The following TRPM3 variants were observed in gnomAD, a reference collection of about 807,000 sequenced individuals.
The protein encoded by TRPM3 is long transient receptor potential channel 3.
Under a neutral mutation model 181.2 loss-of-function variants are expected in TRPM3, and 77 were observed. The ratio of observed to expected loss-of-function variants is 0.42; its 90% CI spans 0.35 to 0.51. The LOEUF is 0.51. Among genes scored for constraint, TRPM3 ranks in the 20% least tolerant of loss-of-function variants. TRPM3 has a pLI of 0.01. For missense variants in TRPM3, 1,759 were observed against 2,196.7 expected, an observed-to-expected ratio of 0.80 and a Z score of 3.98; for synonymous variants, 745 against 796.4, an observed-to-expected ratio of 0.94 and a Z score of 1.09.
intron 1 of TRPM3, among the ~76,000 whole-genome samples, chr9:70,963,829 T>G (rs1294928521): frequency 6.6e-6 from 1 of 152,130 alleles, no homozygotes; most frequent in Admixed American, 6.6e-5. Context: ...GCCTAAGCTT[T>G]GGTCTAGAAA....
chr9:71,117,724 A>G (rs1406781903), intron 1 of TRPM3, among the ~76,000 whole-genome samples: 5 of 152,154 alleles, frequency 3.3e-5, no homozygotes. Context: ...AAGTGAGCAA[A>G]CTCATATGAT....
chr9:70,938,570 C>G (rs921937682), intron 1 of TRPM3, among the ~76,000 whole-genome samples: 1 of 152,098 alleles, frequency 6.6e-6, no homozygotes, highest in African/African-American at 2.4e-5. Context: ...TTGTCAGCCC[C>G]CTTCTCGGCG....
intron 1 of TRPM3, among the ~76,000 whole-genome samples, chr9:70,915,505 C>A (rs1004466126): frequency 6.6e-6 from 1 of 150,976 alleles, no homozygotes; most frequent in African/African-American, 2.4e-5. Flanking sequence ...CGGGGTTTCA[C>A]CGTGTTAGCC....
At chr9:70,644,668 C>G (rs1268467257) in intron 9 of TRPM3, among the ~76,000 whole-genome samples, 1 of 152,162 alleles carries the variant, frequency 6.6e-6, no homozygotes, top group African/African-American at 2.4e-5. Flanking sequence ...TGCCCTCTCT[C>G]ACCACTCCTA....
intron 19 of TRPM3, among the ~76,000 whole-genome samples, chr9:70,609,583 G>A (rs899525127): frequency 6.6e-6 from 1 of 152,176 alleles, no homozygotes; most frequent in Non-Finnish European, 1.5e-5. Flanking sequence ...TAGAGGCCAG[G>A]GATGCTGTAA....
intron 1 of TRPM3, among the ~76,000 whole-genome samples, chr9:70,951,257 C>T (rs977060203): frequency 3.3e-5 from 5 of 152,140 alleles, no homozygotes; most frequent in African/African-American, 1.2e-4. Flanking sequence ...AAAATTATGA[C>T]ATTTTATTCA....
At chr9:71,307,765 A>T (rs1296350490) in intron 1 of TRPM3, among the ~76,000 whole-genome samples, 2 of 152,166 alleles carry the variant, frequency 1.3e-5, no homozygotes, top group Non-Finnish European at 2.9e-5. Flanking sequence ...TTATCTCAGC[A>T]AAGTTTTACA....
At chr9:71,209,502 G>A (rs1334037710) in intron 1 of TRPM3, among the ~76,000 whole-genome samples, 1 of 152,138 alleles carries the variant, frequency 6.6e-6, no homozygotes, top group Non-Finnish European at 1.5e-5. Flanking sequence ...AACAATACCA[G>A]GTATTGGAGC....
chr9:71,299,513 G>GAGGAAGGA (rs1339682465), intron 1 of TRPM3, among the ~76,000 whole-genome samples: 1 of 149,542 alleles, frequency 6.7e-6, no homozygotes, highest in Admixed American at 6.7e-5. Flanking sequence ...TGAAGGAAGG[G>GAGGAAGGA]AGGAAGGAAG....
At chr9:70,607,722 C>A (rs542238017) in intron 19 of TRPM3, among the ~76,000 whole-genome samples, 1 of 152,246 alleles carries the variant, frequency 6.6e-6, no homozygotes, top group South Asian at 2.1e-4. Flanking sequence ...GCATTTCTAA[C>A]AAAACTCCCT....
rs35101881 is a variant in TRPM3 at position 71,035,982 on chromosome 9, CTT to C, written c.177+85194_177+85195del. 7.5e-3 allele frequency among the ~76,000 whole-genome samples: 737 copies of C among 98,200 alleles called. 8 individuals are homozygous for C. The East Asian group carries it at 0.093, about 12-fold the overall frequency. 64.4% of individuals were successfully genotyped at this position (98,200 alleles called of 152,430 possible). A position where few individuals can be genotyped will look rare whatever the true frequency, so the allele number is the denominator to read the frequency against. Reference sequence around the variant, plus strand: ...CTCAACTTGGTGATGCAAACATAGGCTTTTTTTTTTTTTTTTTTTTAATTTTG... The same window carrying C: ...CTCAACTTGGTGATGCAAACATAGGCTTTTTTTTTTTTTTTTTTAATTTTG... On this transcript the variant is annotated intron_variant, in intron 1 of 25. Transcript: ENST00000677713.
At chr9:71,302,631 G>A (rs1348196478) in intron 1 of TRPM3, among the ~76,000 whole-genome samples, 2 of 152,142 alleles carry the variant, frequency 1.3e-5, no homozygotes, top group Non-Finnish European at 2.9e-5. Flanking sequence ...TAATGGCCAT[G>A]TCAGAAACAA....
At chr9:71,348,672 C>T (rs765997656) in intron 1 of TRPM3, among the ~76,000 whole-genome samples, 7 of 151,924 alleles carry the variant, frequency 4.6e-5, no homozygotes, top group Non-Finnish European at 8.8e-5. Flanking sequence ...TGGGTTCAAG[C>T]GATTGCCTCA....
At chr9:70,611,710 T>C (rs2133037164) in intron 18 of TRPM3, among the ~76,000 whole-genome samples, 1 of 152,348 alleles carries the variant, frequency 6.6e-6, no homozygotes, top group African/African-American at 2.4e-5. Flanking sequence ...CCTGAATTAC[T>C]GCTGGTACTA....
intron 8 of TRPM3, among the ~76,000 whole-genome samples, chr9:70,691,632 A>G (rs1277084085): frequency 6.6e-6 from 1 of 152,192 alleles, no homozygotes; most frequent in African/African-American, 2.4e-5. Flanking sequence ...GTCATTTAAG[A>G]ACCCTGGAGT....
chr9:71,064,283 G>A (rs1456251427), intron 1 of TRPM3, among the ~76,000 whole-genome samples: 1 of 152,128 alleles, frequency 6.6e-6, no homozygotes, highest in Non-Finnish European at 1.5e-5. Context: ...TGGTGAAGTT[G>A]TTTTGAGTCT....
chr9:70,752,114 G>C (rs1413713641), intron 8 of TRPM3, among the ~76,000 whole-genome samples: 1 of 151,254 alleles, frequency 6.6e-6, no homozygotes, highest in Non-Finnish European at 1.5e-5. Context: ...TTATCTATAA[G>C]AGCAAAGGGC....
At chr9:71,143,442 T>C in intron 1 of TRPM3, among the ~76,000 whole-genome samples, 1 of 152,176 alleles carries the variant, frequency 6.6e-6, no homozygotes, top group East Asian at 1.9e-4. Context: ...ATGTGGTATT[T>C]GGTTTTCTGT....
Position 71,340,914 on chromosome 9 carries a change from T to C in TRPM3, c.183+105739A>G, listed in dbSNP as rs1201156860. On this transcript the variant is annotated intron_variant, in intron 1 of 24. Coordinates refer to the TRPM3 transcript ENST00000357533. ...CTGGATGATTTGGGGTGCCAGAAAG[T>C]AAAAGTGCCAAAACGCAACAACAAC... Among the ~76,000 whole-genome samples, 3 of 151,978 alleles carry C rather than the reference T, an allele frequency of 2.0e-5. No homozygotes were observed. In the East Asian group the frequency reaches 5.8e-4, roughly 29 times the overall value.
Sources: allele counts gnomAD v4.1 joint callset (sites outside exome capture counted in the v4.1 genomes callset), GRCh38; gene constraint gnomAD v4.1.1; transcripts MANE v1.5; gene names NCBI Gene and HGNC (gene_info 2026-07-23, HGNC 2026-07-21).